Variants in SLC20A2 observed in about 807,000 individuals in gnomAD.
SLC20A2 encodes sodium-dependent phosphate transporter 2.
Under a neutral mutation model 61.0 loss-of-function variants are expected in SLC20A2, and 30 were observed. The ratio of observed to expected loss-of-function variants is 0.49; its 90% confidence interval spans 0.37 to 0.67. The LOEUF (loss-of-function observed/expected upper bound fraction) is 0.67. Among genes scored for constraint, SLC20A2 ranks in the 30% least tolerant of loss-of-function variants. The probability of loss-of-function intolerance (pLI) is 0.00; values close to 1 mark genes in which losing one functional copy is unlikely to be tolerated. For missense variants in SLC20A2, 626 were observed against 866.4 expected, an observed-to-expected ratio of 0.72 and a Z score of 3.48; for synonymous variants, 351 against 353.3, an observed-to-expected ratio of 0.99 and a Z score of 0.07.
At chr8:42,477,748 G>A (rs1467427634) in intron 1 of SLC20A2, among the ~76,000 whole-genome samples, 1 of 151,902 alleles carries the variant, frequency 6.6e-6, no homozygotes, top group African/African-American at 2.4e-5. Context: ...TGCAATTACA[G>A]GCATGAGCCA....
intron 8 of SLC20A2, among the ~76,000 whole-genome samples, chr8:42,430,554 G>T (rs541541476): frequency 1.3e-5 from 2 of 152,056 alleles, no homozygotes; most frequent in Non-Finnish European, 2.9e-5. Flanking sequence ...GTAGAGATGG[G>T]GTTTCACCAT....
rs1802753406 is a variant in SLC20A2 at position 42,417,656 on chromosome 8, G to A, written c.*147C>T. On this transcript the variant is annotated 3_prime_UTR_variant, in exon 11 of 11. Transcript: ENST00000520262. Reference sequence around the variant, plus strand: ...TCCGCAGCCTGGGTGAACAGTGTGGGATGGAGCCTCCTGGAAGGGAGGCAG... The same window carrying A: ...TCCGCAGCCTGGGTGAACAGTGTGGAATGGAGCCTCCTGGAAGGGAGGCAG... The A allele has an allele frequency of 2.5e-6, 2 of 787,492 alleles. No homozygotes were observed. The highest frequency in any genetic ancestry group is 5.3e-5 in the East Asian group (2 of 37,482). 48.8% of individuals were successfully genotyped at this position (787,492 alleles called of 1,614,324 possible).
At chr8:42,509,850 A>G (rs942693244) in intron 1 of SLC20A2, among the ~76,000 whole-genome samples, 9 of 152,190 alleles carry the variant, frequency 5.9e-5, no homozygotes, top group African/African-American at 2.2e-4. Flanking sequence ...AAGAGCACTA[A>G]TACCACCTTA....
At chr8:42,419,736 A>G (rs925630502) in intron 10 of SLC20A2, 13 of 922,354 alleles carry the variant, frequency 1.4e-5, no homozygotes, top group Non-Finnish European at 1.7e-5. Flanking sequence ...TAATCTGTGA[A>G]TATCAGCACA....
upstream of SLC20A2, among the ~76,000 whole-genome samples, chr8:42,503,086 CAT>C (rs1810423423): frequency 6.6e-6 from 1 of 152,238 alleles, no homozygotes; most frequent in Non-Finnish European, 1.5e-5. Flanking sequence ...CGGTTCCTCA[CAT>C]GTCAGATATG....
intron 1 of SLC20A2, among the ~76,000 whole-genome samples, chr8:42,526,327 T>C (rs1297541575): frequency 1.3e-5 from 2 of 151,538 alleles, no homozygotes; most frequent in African/African-American, 4.9e-5. Context: ...AATATCTGAC[T>C]GGTGAACTGA....
intron 7 of SLC20A2, among the ~76,000 whole-genome samples, chr8:42,438,072 A>AAAC (rs1804466841): frequency 6.9e-6 from 1 of 145,106 alleles, no homozygotes; most frequent in Admixed American, 6.8e-5. Flanking sequence ...CCAAAAAAAA[A>AAAC]AAAAAAAAAA....
At chr8:42,508,622 C>T (rs1402687307) in intron 1 of SLC20A2, among the ~76,000 whole-genome samples, 1 of 152,062 alleles carries the variant, frequency 6.6e-6, no homozygotes, top group African/African-American at 2.4e-5. Context: ...AACTCCTGAC[C>T]TCAGGTGATC....
chr8:42,469,097 T>C (rs34359438), intron 2 of SLC20A2, among the ~76,000 whole-genome samples: 8,187 of 151,914 alleles, frequency 0.054, 355 homozygotes, highest in Non-Finnish European at 0.078. Context: ...GCAAACAGAA[T>C]AGAATTAAGG....
At chr8:42,418,325 C>G (rs1802812820) in intron 10 of SLC20A2, among the ~76,000 whole-genome samples, 1 of 151,750 alleles carries the variant, frequency 6.6e-6, no homozygotes, top group East Asian at 1.9e-4. Context: ...TGCCATCACC[C>G]TTGGCTAATT....
At chr8:42,435,777 T>C (rs76774911) in intron 8 of SLC20A2, among the ~76,000 whole-genome samples, 3,037 of 152,254 alleles carry the variant, frequency 0.02, 101 homozygotes, top group African/African-American at 0.07. Flanking sequence ...TGGGGAGAAC[T>C]AGGGCCCACG....
chr8:42,482,445 G>C (rs1808618044), intron 1 of SLC20A2, among the ~76,000 whole-genome samples: 1 of 152,108 alleles, frequency 6.6e-6, no homozygotes. Flanking sequence ...ACAGCACAAG[G>C]AAACAGTCTT....
At chr8:42,467,828 G>A (rs1165990775) in intron 2 of SLC20A2, among the ~76,000 whole-genome samples, 1 of 152,176 alleles carries the variant, frequency 6.6e-6, no homozygotes, top group African/African-American at 2.4e-5. Flanking sequence ...TGGGCTCCTC[G>A]GGGACTAGTG....
chr8:42,479,923 G>C (rs79650131), intron 1 of SLC20A2, among the ~76,000 whole-genome samples: 15,843 of 152,214 alleles, frequency 0.1, 2,442 homozygotes, highest in African/African-American at 0.34. Flanking sequence ...GAGCACTCAG[G>C]GGGTATGGGT....
At chr8:42,501,681 G>C (rs947618021), upstream of SLC20A2, among the ~76,000 whole-genome samples, 3 of 152,234 alleles carry the variant, frequency 2.0e-5, no homozygotes, top group African/African-American at 7.2e-5. Flanking sequence ...TGATTGCAGG[G>C]ACTTGCTTTC....
At chr8:42,502,511 T>A (rs996921173), upstream of SLC20A2, 1 of 152,298 alleles carries the variant, frequency 6.6e-6, no homozygotes, top group Non-Finnish European at 1.5e-5. Flanking sequence ...TGCAGCCTGC[T>A]GCCCAAAGCA....
At chr8:42,512,453 C>T (rs4736833) in intron 1 of SLC20A2, among the ~76,000 whole-genome samples, 22,503 of 151,326 alleles carry the variant, frequency 0.15, 1,885 homozygotes, top group South Asian at 0.24. Context: ...TGGGTTCAAG[C>T]GATTCTCCTG....
At chr8:42,541,760 GGCCCCGCCCCGCGCCGCCC>G (rs967275356) in intron 1 of SLC20A2, 2 of 148,954 alleles carry the variant, frequency 1.3e-5, no homozygotes, top group African/African-American at 4.9e-5. Context: ...CGCGTCACCC[GGCCCCGCCCCGCGCCGCCC>G]GCCCCGCCCC....
chr8:42,470,879 T>A (rs1247107941), intron 2 of SLC20A2, among the ~76,000 whole-genome samples: 3 of 146,000 alleles, frequency 2.1e-5, no homozygotes. Flanking sequence ...GAGGGTGAGG[T>A]GAGAGAATAG....
Sources: gnomAD v4.1 joint callset for allele counts (sites outside exome capture counted in the v4.1 genomes callset) on GRCh38, gnomAD v4.1.1 for gene constraint, MANE v1.5 for transcripts, NCBI Gene and HGNC (gene_info 2026-07-23, HGNC 2026-07-21) for gene names.